CAMTA1: variants seen among roughly 807,000 people sequenced by gnomAD.
CAMTA1 encodes the protein calmodulin binding transcription activator 1.
A neutral mutation model predicts 170.9 loss-of-function variants in CAMTA1; 27 were observed. The observed-to-expected ratio is 0.16, with a 90% CI of 0.12 to 0.22. CAMTA1 has a LOEUF of 0.22. Ranked by LOEUF, CAMTA1 falls within the 10% of genes least tolerant of loss-of-function variation. The pLI is 1.00. For synonymous variants in CAMTA1, 833 were observed against 891.5 expected, an observed-to-expected ratio of 0.93 and a Z score of 1.17; for missense variants, 1,619 against 2,217.2, an observed-to-expected ratio of 0.73 and a Z score of 5.42.
intron 3 of CAMTA1, among the ~76,000 whole-genome samples, chr1:7,083,986 C>T (rs1039735940): frequency 6.6e-5 from 10 of 151,590 alleles, no homozygotes; most frequent in Non-Finnish European, 1.0e-4. Context: ...TTTATTCCCC[C>T]TCCTCAGCTT....
At chr1:6,807,879 A>G (rs1411479136) in intron 1 of CAMTA1, among the ~76,000 whole-genome samples, 1 of 152,056 alleles carries the variant, frequency 6.6e-6, no homozygotes. Context: ...TCAGGGACAG[A>G]GTCTGTAGTG....
chr1:6,838,991 A>T (rs1319664238), intron 3 of CAMTA1, among the ~76,000 whole-genome samples: 1 of 152,100 alleles, frequency 6.6e-6, no homozygotes, highest in Admixed American at 6.5e-5. Flanking sequence ...TCCTGGCCTC[A>T]AATGATCCTC....
intron 3 of CAMTA1, among the ~76,000 whole-genome samples, chr1:6,881,349 T>C (rs1017505606): frequency 2.0e-5 from 3 of 151,942 alleles, no homozygotes; most frequent in East Asian, 1.9e-4. Flanking sequence ...ATGAGGTGAA[T>C]TGAAGGAAGC....
At chr1:7,103,908 G>A (rs375800799) in intron 4 of CAMTA1, among the ~76,000 whole-genome samples, 110 of 96,162 alleles carry the variant, frequency 1.1e-3, no homozygotes, top group African/African-American at 4.1e-3. Flanking sequence ...ACAACTACAC[G>A]CGCACTCACA....
At chr1:6,792,814 C>T (rs1323892909) in intron 1 of CAMTA1, among the ~76,000 whole-genome samples, 2 of 152,004 alleles carry the variant, frequency 1.3e-5, no homozygotes, top group African/African-American at 2.4e-5. Flanking sequence ...GACTGTGAGC[C>T]GAAGGTAACT....
chr1:7,492,807 A>ACG (rs1557805274), intron 6 of CAMTA1, among the ~76,000 whole-genome samples: 3 of 145,306 alleles, frequency 2.1e-5, no homozygotes, highest in East Asian at 4.3e-4. Flanking sequence ...ACGTATACAC[A>ACG]TGCGCGCACA....
chr1:7,518,146 G>A lies in CAMTA1; in HGVS notation c.510+50245G>A, dbSNP rs756483985. ...GAGTCAGGTTATATTTAGCAAGCACGTGTCAGGGATATGGCTCCTATCAGC... is the reference window on the plus strand; with the variant it reads ...GAGTCAGGTTATATTTAGCAAGCACATGTCAGGGATATGGCTCCTATCAGC... On this transcript the variant is annotated intron_variant, in intron 6 of 22. Transcript: ENST00000303635. Among the ~76,000 whole-genome samples the A allele has an allele frequency of 2.6e-4, 40 of 152,000 alleles. 1 individual carries two copies. Among genetic ancestry groups the A allele is most frequent in the African/African-American group, 1.7e-4 (7 of 41,252 alleles).
At chr1:6,981,095 C>T (rs144521529) in intron 3 of CAMTA1, among the ~76,000 whole-genome samples, 108 of 152,162 alleles carry the variant, frequency 7.1e-4, no homozygotes, top group African/African-American at 2.3e-3. Flanking sequence ...AATGAGCAAA[C>T]GCACTGATAT....
intron 4 of CAMTA1, among the ~76,000 whole-genome samples, chr1:7,104,112 GTACACACAACACACATAACTACACAC>G (rs1558104564): frequency 5.6e-5 from 3 of 53,658 alleles, no homozygotes; most frequent in Non-Finnish European, 1.2e-4. Context: ...CTACACACAT[GTACACACAACACACATAACTACACAC>G]GTACACACAA....
chr1:7,499,178 A>ATGAG (rs146786337), intron 6 of CAMTA1, among the ~76,000 whole-genome samples: 95,886 of 102,262 alleles, frequency 0.94, 44,942 homozygotes, highest in East Asian at 0.98. Context: ...ATGTGTGTCC[A>ATGAG]TGAGTGTGCA....
intron 5 of CAMTA1, among the ~76,000 whole-genome samples, chr1:7,343,105 C>T (rs1039890734): frequency 6.6e-6 from 1 of 152,224 alleles, no homozygotes; most frequent in African/African-American, 2.4e-5. Flanking sequence ...AAAGATCGCC[C>T]AGTCTAGCCC....
intron 16 of CAMTA1, among the ~76,000 whole-genome samples, chr1:7,741,182 A>G (rs2096810457): frequency 6.6e-6 from 1 of 152,168 alleles, no homozygotes; most frequent in Non-Finnish European, 1.5e-5. Context: ...GTAAAAGTGT[A>G]TGAAAGCTCT....
chr1:7,204,413 A>G (rs533787470), intron 4 of CAMTA1, among the ~76,000 whole-genome samples: 1 of 152,158 alleles, frequency 6.6e-6, no homozygotes, highest in African/African-American at 2.4e-5. Context: ...TTTGATTCTT[A>G]AGGCATTGAT....
chr1:6,994,628 T>G (rs913170065), intron 3 of CAMTA1, among the ~76,000 whole-genome samples: 1 of 152,184 alleles, frequency 6.6e-6, no homozygotes, highest in Non-Finnish European at 1.5e-5. Flanking sequence ...TTGACCATGA[T>G]GTGCCTAGGT....
At chr1:7,270,214 CATAT>C (rs1669498172) in intron 5 of CAMTA1, among the ~76,000 whole-genome samples, 2 of 108,816 alleles carry the variant, frequency 1.8e-5, no homozygotes, top group Non-Finnish European at 3.7e-5. Context: ...CATATATATA[CATAT>C]ATACATATAT....
intron 6 of CAMTA1, among the ~76,000 whole-genome samples, chr1:7,621,523 G>T (rs1303441854): frequency 2.0e-5 from 3 of 152,184 alleles, no homozygotes; most frequent in African/African-American, 7.2e-5. Context: ...AAGCCCTGGT[G>T]CACCTTGTCC....
intron 11 of CAMTA1, among the ~76,000 whole-genome samples, chr1:7,707,460 C>T (rs1252099926): frequency 6.6e-6 from 1 of 151,974 alleles, no homozygotes; most frequent in Non-Finnish European, 1.5e-5. Flanking sequence ...AGTGCAGCCT[C>T]CACCTCCCGG....
Position 7,737,407 on chromosome 1 carries a change from C to T in CAMTA1, c.3495C>T (p.His1165=). ...GHVKLAECLE[H]LQRDEQAQLG... is the part of the protein sequence containing the mutation. Reference sequence around the variant, plus strand: ...TGAAATTAGCAGAGTGTCTGGAGCACCTGCAGAGAGATGAGCAGGCTCAGC... The same window carrying T: ...TGAAATTAGCAGAGTGTCTGGAGCATCTGCAGAGAGATGAGCAGGCTCAGC... Residue 1165 remains histidine, a synonymous_variant, in exon 15 of 23, where the codon CAC becomes CAT. Coordinates refer to ENST00000303635, the MANE Select transcript of CAMTA1 (RefSeq NM_015215.4). 1 of 1,614,160 alleles carries T rather than the reference C, an allele frequency of 6.2e-7. No homozygotes were observed. Among genetic ancestry groups the T allele is most frequent in the South Asian group, 1.1e-5 (1 of 91,084 alleles).
At chr1:6,945,037 G>A (rs768092785) in intron 3 of CAMTA1, among the ~76,000 whole-genome samples, 4 of 152,180 alleles carry the variant, frequency 2.6e-5, no homozygotes, top group Non-Finnish European at 4.4e-5. Flanking sequence ...TTTATTATGT[G>A]CATTGTCTGG....
Sources: gnomAD v4.1 joint callset for allele counts (sites outside exome capture counted in the v4.1 genomes callset) on GRCh38, gnomAD v4.1.1 for gene constraint, MANE v1.5 for transcripts, NCBI Gene and HGNC (gene_info 2026-07-23, HGNC 2026-07-21) for gene names.